The following PARD3 variants were observed in gnomAD, a reference collection of about 807,000 sequenced individuals.
The protein encoded by PARD3 is partitioning defective 3 homolog.
A neutral mutation model predicts 155.4 loss-of-function variants in PARD3; 75 were observed. That is an observed-to-expected ratio of 0.48 (90% CI 0.40 to 0.58). The LOEUF (loss-of-function observed/expected upper bound fraction) is 0.58, where lower values mean the gene tolerates loss of function less well. Among genes scored for constraint, PARD3 ranks in the 20% least tolerant of loss-of-function variants. PARD3 has a pLI of 0.00. For synonymous variants in PARD3, 576 were observed against 610.5 expected (o/e 0.94, Z 0.83); for missense variants, 1,642 against 1,721.7 (o/e 0.95, Z 0.82).
At chr10:34,587,527 A>G (rs1243276924) in intron 2 of PARD3, among the ~76,000 whole-genome samples, 1 of 152,216 alleles carries the variant, frequency 6.6e-6, no homozygotes, top group Non-Finnish European at 1.5e-5. Context: ...CCTCAAGGAC[A>G]AAGGAGAATC....
intron 1 of PARD3, among the ~76,000 whole-genome samples, chr10:34,736,771 T>C (rs2094923712): frequency 1.3e-5 from 2 of 151,788 alleles, no homozygotes; most frequent in Admixed American, 6.6e-5. Context: ...ACCTCCCAGG[T>C]TCAAGCAATT....
chr10:34,730,974 T>C (rs949546185), intron 1 of PARD3, among the ~76,000 whole-genome samples: 1 of 152,182 alleles, frequency 6.6e-6, no homozygotes, highest in Non-Finnish European at 1.5e-5. Flanking sequence ...TATAGCTCTA[T>C]TAGTGTAAGT....
chr10:34,253,232 T>C (rs559883744), intron 22 of PARD3, among the ~76,000 whole-genome samples: 3 of 152,288 alleles, frequency 2.0e-5, no homozygotes, highest in Non-Finnish European at 2.9e-5. Flanking sequence ...GTATCTGAAA[T>C]GGCCTAGTAA....
At chr10:34,493,125 G>A (rs2080030491) in intron 3 of PARD3, among the ~76,000 whole-genome samples, 2 of 152,308 alleles carry the variant, frequency 1.3e-5, no homozygotes, top group South Asian at 4.1e-4. Context: ...TACTGGAGTG[G>A]TGTTGAGTAT....
chr10:34,227,856 T>TTATATATATATATTTATATATATATA (rs1952690689), intron 22 of PARD3, among the ~76,000 whole-genome samples: 1 of 82,278 alleles, frequency 1.2e-5, no homozygotes, highest in Non-Finnish European at 2.3e-5. Flanking sequence ...GAATTATTTT[T>TTATATATATATATTTATATATATATA]TATATATATA....
chr10:34,469,196 C>T (rs1165501741), intron 4 of PARD3, among the ~76,000 whole-genome samples: 2 of 152,132 alleles, frequency 1.3e-5, no homozygotes, highest in Admixed American at 1.3e-4. Flanking sequence ...CTGCAACCTC[C>T]GCCTCCTGGG....
rs545683016 is a variant in PARD3, at chr10:34,799,559, C to T, written c.120+15317G>A. 2.6e-5 allele frequency among the ~76,000 whole-genome samples: 4 copies of T among 152,252 alleles called. No individual in the cohort carries two copies. In the East Asian group the frequency reaches 5.8e-4, roughly 22 times the overall value. ...AACCCATAAGCCATTCAAGCAAACC[C>T]AAGTCAGGAAAAAACCCTGTTCTTC... On this transcript the variant is annotated intron_variant, in intron 1 of 24. Transcript: ENST00000374788.
chr10:34,472,140 C>T (rs1053036718), intron 3 of PARD3, among the ~76,000 whole-genome samples: 1 of 152,150 alleles, frequency 6.6e-6, no homozygotes, highest in African/African-American at 2.4e-5. Context: ...ATAATAACAA[C>T]ACAGTCTGAG....
At chr10:34,165,528 G>A (rs1027480878) in intron 22 of PARD3, among the ~76,000 whole-genome samples, 6 of 152,152 alleles carry the variant, frequency 3.9e-5, no homozygotes, top group African/African-American at 7.2e-5. Flanking sequence ...AGGAAAAACC[G>A]CTTTGTTCTT....
chr10:34,343,235 A>C (rs1837026781), intron 15 of PARD3: 1 of 714,726 alleles, frequency 1.4e-6, no homozygotes, highest in Non-Finnish European at 1.7e-6. Flanking sequence ...TAAATACCAA[A>C]TACTCACACG....
At chr10:34,270,140 C>CTT (rs3039311) in intron 21 of PARD3, among the ~76,000 whole-genome samples, 5 of 121,794 alleles carry the variant, frequency 4.1e-5, no homozygotes, top group South Asian at 2.8e-4. Context: ...TAATTTAAAT[C>CTT]TTTTTTTTTT....
chr10:34,773,112 C>G (rs1455321009), intron 1 of PARD3, among the ~76,000 whole-genome samples: 13 of 152,092 alleles, frequency 8.5e-5, no homozygotes. Context: ...CTACCATAGC[C>G]TTATCTAATT....
chr10:34,447,479 T>C (rs1467763982), intron 5 of PARD3, among the ~76,000 whole-genome samples: 1 of 23,756 alleles, frequency 4.2e-5, no homozygotes, highest in Admixed American at 1.0e-3. Flanking sequence ...AGACTGCGTC[T>C]CAAAAAAAAA....
At chr10:34,346,480 CTT>C in intron 15 of PARD3, 1 of 1,345,912 alleles carries the variant, frequency 7.4e-7, no homozygotes, top group South Asian at 1.2e-5. Flanking sequence ...CAGCATATCA[CTT>C]TGTGTGCACA....
intron 1 of PARD3, among the ~76,000 whole-genome samples, chr10:34,739,011 C>T (rs2094961880): frequency 6.6e-6 from 1 of 152,164 alleles, no homozygotes; most frequent in Non-Finnish European, 1.5e-5. Flanking sequence ...TAAAGTAACA[C>T]TTCAGCTAGC....
intron 1 of PARD3, among the ~76,000 whole-genome samples, chr10:34,704,466 C>A (rs1291270898): frequency 6.6e-6 from 1 of 152,062 alleles, no homozygotes; most frequent in Non-Finnish European, 1.5e-5. Context: ...CACAAACACA[C>A]ACAAAGAGAC....
chr10:34,599,146 C>G (rs1405011303), intron 2 of PARD3, among the ~76,000 whole-genome samples: 3 of 152,186 alleles, frequency 2.0e-5, no homozygotes, highest in African/African-American at 7.2e-5. Context: ...AACCGCATCC[C>G]CACTTCCGTC....
chr10:34,144,361 T>C (rs1203033524), intron 22 of PARD3, among the ~76,000 whole-genome samples: 2 of 152,252 alleles, frequency 1.3e-5, no homozygotes, highest in African/African-American at 4.8e-5. Context: ...TCAGTCGTTT[T>C]CTATGACATT....
At position 34,341,698 on chromosome 10, in the gene PARD3, A is replaced by G; in HGVS notation, c.2337T>C (p.His779=). ...CTGCCGTCACAAACCCCACATCATC[A>G]TGGGAGCTGGAAGAGGACTGGTCAG... ...HLSDQSSSSS[H]DDVGFVTADA... is the part of the protein sequence containing the mutation. Residue 779 remains histidine (H), a synonymous_variant, in exon 16 of 25, where the codon CAT becomes CAC. Transcript: ENST00000374788. 3.1e-6 allele frequency: 5 copies of G among 1,613,974 alleles called. No homozygotes were observed. The highest frequency in any genetic ancestry group is 1.1e-5 in the South Asian group (1 of 91,074).
Sources: gnomAD v4.1 joint callset for allele counts (sites outside exome capture counted in the v4.1 genomes callset) on GRCh38, gnomAD v4.1.1 for gene constraint, MANE v1.5 for transcripts, NCBI Gene and HGNC (gene_info 2026-07-23, HGNC 2026-07-21) for gene names.